Variants in NADSYN1 observed in about 807,000 individuals in gnomAD.
NADSYN1 encodes the protein glutamine-dependent NAD(+) synthetase.
In NADSYN1, 80 loss-of-function variants were observed where a neutral mutation model predicts 99.3. The ratio of observed to expected loss-of-function variants is 0.81; its 90% CI spans 0.67 to 0.97. The LOEUF (loss-of-function observed/expected upper bound fraction) is 0.97, where lower values mean the gene tolerates loss of function less well. Among genes scored for constraint, NADSYN1 ranks in the 50% least tolerant of loss-of-function variants. The probability of loss-of-function intolerance (pLI) is 0.00; values close to 1 mark genes in which losing one functional copy is unlikely to be tolerated. For synonymous variants in NADSYN1, 385 were observed against 372.1 expected (o/e 1.03, Z -0.40); for missense variants, 859 against 948.5 (o/e 0.91, Z 1.24).
At chr11:71,485,361 G>A (rs925480660) in intron 15 of NADSYN1, 181 bp from the exon 16 acceptor site, 1 of 490,384 alleles carries the variant, frequency 2.0e-6, no homozygotes, top group Admixed American at 3.8e-5. Flanking sequence ...CCCTGTGGAG[G>A]TGGGACCACC....
At chr11:71,476,897 C>A in intron 9 of NADSYN1, 2 of 987,092 alleles carry the variant, frequency 2.0e-6, no homozygotes, top group Non-Finnish European at 2.4e-6. Flanking sequence ...CATTAGAATC[C>A]GGGAGCCGTT....
At chr11:71,455,371 T>A (rs1402274595) in intron 2 of NADSYN1, 4 of 500,098 alleles carry the variant, frequency 8.0e-6, no homozygotes, top group Non-Finnish European at 1.4e-5. Context: ...ATTCCCATGT[T>A]GAGTAATTAA....
At chr11:71,476,248 G>T (rs4944062) in intron 9 of NADSYN1, 213,173 of 372,520 alleles carry the variant, frequency 0.57, 68,727 homozygotes, top group Non-Finnish European at 0.74. Context: ...CTCTGCTCTT[G>T]TTGGGAATGG....
chr11:71,486,244 A>G (rs750230269), intron 16 of NADSYN1, among the ~76,000 whole-genome samples: 1 of 152,184 alleles, frequency 6.6e-6, no homozygotes, highest in Non-Finnish European at 1.5e-5. Flanking sequence ...AGGGATTTCA[A>G]AAACTATTTG....
At position 71,458,276 on chromosome 11, in the gene NADSYN1, T is replaced by C. The variant is rs372325953; in HGVS notation, c.147-152T>C. On this transcript the variant is annotated intron_variant, in intron 2 of 20. Transcript: ENST00000319023. ...CATCTGGCTGCGGCAGTGGGTCTTA[T>C]GCTGGCTGCTCATTGGAATCACCTG... 15 of 662,592 alleles carry C rather than the reference T, an allele frequency of 2.3e-5. 1 individual carries two copies. Among genetic ancestry groups the C allele is most frequent in the African/African-American group, 5.4e-5 (3 of 55,904 alleles). 41.0% of individuals were successfully genotyped at this position (662,592 alleles called of 1,614,324 possible). A position where few individuals can be genotyped will look rare whatever the true frequency, so the allele number is the denominator to read the frequency against.
At chr11:71,472,536 G>T (rs1272932309) in intron 6 of NADSYN1, 36 bp downstream of exon 6, 2 of 1,584,418 alleles carry the variant, frequency 1.3e-6, no homozygotes, top group Admixed American at 3.3e-5. Context: ...TTTTCAGTCG[G>T]TTGTCGCTGT....
rs902615981 is a variant in NADSYN1 at position 71,491,005 on chromosome 11, C to G, written c.1694+29C>G. ...AGTGTGCTCACGGGCTGTGGCTCCA[C>G]AGCCACGGGGCTCCTCTCCCAGCAC... On this transcript the variant is annotated intron_variant, in intron 17 of 20. Coordinates refer to ENST00000319023, the MANE Select transcript of NADSYN1 (RefSeq NM_018161.5). 2.5e-6 allele frequency: 4 copies of G among 1,613,060 alleles called. No homozygotes were observed. The Admixed American group carries it at 6.7e-5, about 27-fold the overall frequency.
In NADSYN1 at chr11:71,453,344, C is replaced by G; in HGVS notation, c.48C>G (p.Ala16=). 6.2e-7 allele frequency: 1 copy of G among 1,613,846 alleles called. No individual in the cohort carries two copies. Among genetic ancestry groups the G allele is most frequent in the Non-Finnish European group, 8.5e-7 (1 of 1,179,834 alleles). The part of the protein sequence containing the change: ...TVATCALNQW[A]LDFEGNLQRI... Reference sequence around the variant, plus strand: ...CCACCTGCGCACTCAACCAGTGGGCCCTGGACTTCGAGGGCAATTTGCAAA... The same window carrying G: ...CCACCTGCGCACTCAACCAGTGGGCGCTGGACTTCGAGGGCAATTTGCAAA... The change falls in exon 1 of 21, where the codon GCC becomes GCG. Residue 16 remains alanine, a synonymous_variant. Transcript: ENST00000319023.
intron 20 of NADSYN1, 130 bp downstream of exon 20, chr11:71,498,658 AG>A (rs1006885708): frequency 9.9e-7 from 1 of 1,010,284 alleles, no homozygotes; most frequent in African/African-American, 1.6e-5. Flanking sequence ...CTTTCTGCAA[AG>A]GGACAAGTAT....
chr11:71,481,829 C>A, intron 12 of NADSYN1, 94 bp from the exon 13 acceptor site: 2 of 1,086,558 alleles, frequency 1.8e-6, no homozygotes, highest in Non-Finnish European at 1.3e-6. Flanking sequence ...TTTCTGTGGA[C>A]GCCTCCTTGA....
chr11:71,484,467 C>G lies in NADSYN1; in HGVS notation c.1455+20C>G. The G allele has an allele frequency of 6.2e-7, 1 of 1,607,178 alleles. No homozygotes were observed. The highest frequency in any genetic ancestry group is 8.5e-7 in the Non-Finnish European group (1 of 1,176,830). On this transcript the variant is annotated intron_variant, in intron 15 of 20. Coordinates refer to ENST00000319023, the MANE Select transcript of NADSYN1 (RefSeq NM_018161.5). The stretch of plus-strand genomic sequence containing the variant: ...GTGCAGGTGCCCCCGCCTGGGCCGG[C>G]GTCCCCTGGGGGTGGGGGTGCAGGG...
intron 2 of NADSYN1, among the ~76,000 whole-genome samples, chr11:71,456,903 C>T (rs1440608488): frequency 6.6e-6 from 1 of 152,226 alleles, no homozygotes; most frequent in African/African-American, 2.4e-5. Flanking sequence ...GGTTAGAGGT[C>T]CAGCACCTGA....
intron 15 of NADSYN1, chr11:71,485,277 C>T (rs989453763): frequency 6.4e-6 from 2 of 311,104 alleles, no homozygotes; most frequent in Non-Finnish European, 1.2e-5. Flanking sequence ...GTCCTGCCAC[C>T]AGTGCTCCCT....
At chr11:71,500,885 G>A (rs886748777) in intron 20 of NADSYN1, among the ~76,000 whole-genome samples, 6 of 152,170 alleles carry the variant, frequency 3.9e-5, no homozygotes, top group South Asian at 4.1e-4. Context: ...GCCAAGCCTC[G>A]GGTGATGGGC....
intron 16 of NADSYN1, among the ~76,000 whole-genome samples, chr11:71,485,997 A>T (rs1452449553): frequency 6.6e-6 from 1 of 152,130 alleles, no homozygotes; most frequent in Non-Finnish European, 1.5e-5. Context: ...TTTTACCTCC[A>T]AACCAGAGTT....
Position 71,458,412 on chromosome 11 carries a change from C to G in NADSYN1, c.147-16C>G. ...CTGAGTTGTTTCTGGAGCTCACCTT[C>G]TCACTGTCTCTGCAGCGGCTACGGA... On this transcript the variant is annotated splice_polypyrimidine_tract_variant and intron_variant, in intron 2 of 20. Coordinates refer to ENST00000319023, the MANE Select transcript of NADSYN1 (RefSeq NM_018161.5). 6.2e-7 allele frequency: 1 copy of G among 1,601,790 alleles called. No homozygotes were observed. The highest frequency in any genetic ancestry group is 8.6e-7 in the Non-Finnish European group (1 of 1,168,702).
chr11:71,463,413 C>T lies in NADSYN1; in HGVS notation c.264-19C>T, dbSNP rs748863790. The T allele has an allele frequency of 2.5e-6, 4 of 1,606,062 alleles. No individual in the cohort carries two copies. The South Asian group carries it at 4.4e-5, about 18-fold the overall frequency. ...TCATAACCGGGCAGACACACATGTA[C>T]CTCCCCTCTCTCCTGCAGGCCTGTA... is the stretch of plus-strand genomic sequence containing the variant. On this transcript the variant is annotated intron_variant, in intron 3 of 20. Coordinates refer to ENST00000319023, the MANE Select transcript of NADSYN1 (RefSeq NM_018161.5).
chr11:71,498,627 A>G (rs1468131577), intron 20 of NADSYN1, 99 bp downstream of exon 20: 3 of 1,372,616 alleles, frequency 2.2e-6, no homozygotes, highest in Non-Finnish European at 3.0e-6. Flanking sequence ...TTATATACAC[A>G]GTAACTTTTT....
intron 18 of NADSYN1, among the ~76,000 whole-genome samples, chr11:71,495,240 A>G (rs140003520): frequency 2.0e-4 from 31 of 152,282 alleles, no homozygotes; most frequent in Middle Eastern, 3.4e-3. Flanking sequence ...TTCATTTATC[A>G]AAGTATTTTC....
Sources: allele counts gnomAD v4.1 joint callset (sites outside exome capture counted in the v4.1 genomes callset), GRCh38; gene constraint gnomAD v4.1.1; transcripts MANE v1.5; gene names NCBI Gene and HGNC (gene_info 2026-07-23, HGNC 2026-07-21).